Variants in BICRA observed in about 807,000 individuals in gnomAD.
BICRA encodes the protein BRD4-interacting chromatin-remodeling complex-associated protein.
In BICRA, 31 loss-of-function variants were observed where a neutral mutation model predicts 96.9. That is an observed-to-expected ratio of 0.32 (90% CI 0.24 to 0.43). The LOEUF (loss-of-function observed/expected upper bound fraction) is 0.43. Among genes scored for constraint, BICRA ranks in the 20% least tolerant of loss-of-function variants. The pLI, the probability that BICRA is intolerant of heterozygous loss-of-function variation, is 1.00. For synonymous variants in BICRA, 1,350 were observed against 1,071.8 expected (o/e 1.26, Z -5.07); for missense variants, 2,283 against 2,190.3 (o/e 1.04, Z -0.84).
In BICRA at chr19:47,702,249, A is replaced by G; in HGVS notation, c.4517A>G (p.Asp1506Gly). 1.3e-6 allele frequency: 2 copies of G among 1,598,438 alleles called. No homozygotes were observed. Among genetic ancestry groups the G allele is most frequent in the Non-Finnish European group, 1.7e-6 (2 of 1,177,670 alleles). ...ACCGAGCACCTGCAGAGCGCCATCG[A>G]CAGCATCCTGAACCTGCAGCAGGCC... ...TLTEHLQSAIDSILNLQQAPG... is the reference protein window; with the variant it reads ...TLTEHLQSAIGSILNLQQAPG... Residue 1506 changes from aspartate to glycine, a missense_variant, in exon 15 of 15, where the codon GAC (aspartate) becomes GGC (glycine). Coordinates refer to ENST00000594866, the MANE Select transcript of BICRA (RefSeq NM_001394372.1).
intron 1 of BICRA, among the ~76,000 whole-genome samples, chr19:47,611,826 G>A (rs73041681): frequency 0.094 from 14,263 of 151,946 alleles, 859 homozygotes; most frequent in East Asian, 0.16. Context: ...CAGCAGGCCG[G>A]GTACGCAGTG....
At chr19:47,626,521 C>T (rs1330337869) in intron 1 of BICRA, 1 of 151,674 alleles carries the variant, frequency 6.6e-6, no homozygotes, top group African/African-American at 2.4e-5. Context: ...CTCAGCCGCC[C>T]AAGTAGCTGG....
chr19:47,631,748 A>G (rs1972225112), intron 1 of BICRA, among the ~76,000 whole-genome samples: 1 of 152,104 alleles, frequency 6.6e-6, no homozygotes, highest in Non-Finnish European at 1.5e-5. Context: ...TCTTGGGTTC[A>G]AGCAATTCTC....
intron 7 of BICRA, among the ~76,000 whole-genome samples, chr19:47,690,761 A>T (rs910826539): frequency 1.3e-5 from 2 of 151,302 alleles, no homozygotes; most frequent in Non-Finnish European, 2.9e-5. Context: ...TTTCCCCAGT[A>T]AGTCATTTGG....
intron 2 of BICRA, among the ~76,000 whole-genome samples, chr19:47,672,099 A>G (rs1318696880): frequency 4.6e-5 from 6 of 131,084 alleles, no homozygotes; most frequent in African/African-American, 1.8e-4. Flanking sequence ...ATCGGTAGGT[A>G]GATGGATGGA....
intron 1 of BICRA, among the ~76,000 whole-genome samples, chr19:47,638,566 G>A (rs1972334444): frequency 6.6e-6 from 1 of 151,904 alleles, no homozygotes; most frequent in African/African-American, 2.4e-5. Context: ...CTGTGCATGT[G>A]TAAGCATCTC....
chr19:47,622,506 C>G (rs563370111), intron 1 of BICRA, among the ~76,000 whole-genome samples: 29 of 148,910 alleles, frequency 1.9e-4, no homozygotes, highest in African/African-American at 6.9e-4. Flanking sequence ...GGGCAGATCA[C>G]GAGGTCAGGA....
At chr19:47,665,426 A>G (rs1972763808) in intron 1 of BICRA, among the ~76,000 whole-genome samples, 2 of 152,194 alleles carry the variant, frequency 1.3e-5, no homozygotes, top group South Asian at 4.1e-4. Flanking sequence ...CACACAGTAA[A>G]CAACCAAACC....
At position 47,702,184 on chromosome 19, in the gene BICRA, G is replaced by A. The variant is rs1324845872; in HGVS notation, c.4452G>A (p.Gln1484=). The A allele has an allele frequency of 1.9e-6, 3 of 1,588,914 alleles. No homozygotes were observed. In the Admixed American group the frequency reaches 5.1e-5, roughly 27 times the overall value. ...AGTCCGAGTCGCCCGACGTGGACCA[G>A]GCCAGCTTCTCCAGCGACAGCCCGC... The part of the protein sequence containing the change: ...RRKSESPDVD[Q]ASFSSDSPQD... The change falls in exon 15 of 15, where the codon CAG becomes CAA. Residue 1484 remains glutamine (Q), a synonymous_variant. Transcript: ENST00000594866.
chr19:47,673,479 C>T (rs1026497191), intron 2 of BICRA, 91 bp from the exon 3 acceptor site: 16 of 1,001,084 alleles, frequency 1.6e-5, no homozygotes, highest in Non-Finnish European at 2.4e-5. Flanking sequence ...CTGACCCCCT[C>T]CAGGGGGCTC....
Position 47,695,441 on chromosome 19 carries a change from T to C in BICRA, c.3153T>C (p.Ala1051=), listed in dbSNP as rs766572778. 1 of 1,576,612 alleles carries C rather than the reference T, an allele frequency of 6.3e-7. No individual in the cohort carries two copies. The highest frequency in any genetic ancestry group is 8.6e-7 in the Non-Finnish European group (1 of 1,158,662). The change falls in exon 10 of 15, where the codon GCT becomes GCC. Residue 1051 remains alanine, a synonymous_variant. Coordinates refer to ENST00000594866, the MANE Select transcript of BICRA (RefSeq NM_001394372.1). ...CGACCCTGAATGTGGCCAAGGCCGC[T>C]TCCTCCGGGCCAGGGAAGCCCTCCG... ...NLPTLNVAKA[A]SSGPGKPSGL... is the part of the protein sequence containing the mutation.
In BICRA at chr19:47,702,035, G is replaced by A. The variant is rs916085958; in HGVS notation, c.4303G>A (p.Val1435Met). The A allele has an allele frequency of 2.7e-6, 4 of 1,491,578 alleles. No individual in the cohort carries two copies. The African/African-American group carries it at 4.4e-5, about 16-fold the overall frequency. 92.4% of individuals were successfully genotyped at this position (1,491,578 alleles called of 1,614,324 possible). ...TSGLIRELAA[V>M]EDELYQRMLK... Reference sequence around the variant, plus strand: ...CGGGCTCATCCGCGAGCTGGCGGCCGTGGAGGACGAGCTGTACCAGCGTAT... The same window carrying A: ...CGGGCTCATCCGCGAGCTGGCGGCCATGGAGGACGAGCTGTACCAGCGTAT... The change falls in exon 15 of 15, where the codon GTG (valine) becomes ATG (methionine). Residue 1435 changes from valine (V) to methionine (M), a missense_variant. Physicochemically the swap from Val to Met is conservative, Grantham distance 21. Transcript: ENST00000594866.
intron 1 of BICRA, among the ~76,000 whole-genome samples, chr19:47,620,289 G>C (rs1168862802): frequency 6.6e-6 from 1 of 152,070 alleles, no homozygotes; most frequent in Non-Finnish European, 1.5e-5. Flanking sequence ...TGAATGAATG[G>C]ATGGGTGGAT....
At chr19:47,695,343 C>CCG in intron 9 of BICRA, 22 bp from the exon 10 acceptor site, 9 of 630,232 alleles carry the variant, frequency 1.4e-5, no homozygotes, top group South Asian at 7.8e-5. Flanking sequence ...GGCCCTGTCT[C>CCG]CCCCACCCCA....
At chr19:47,688,624 A>G (rs535701477) in intron 7 of BICRA, among the ~76,000 whole-genome samples, 24 of 151,586 alleles carry the variant, frequency 1.6e-4, no homozygotes, top group African/African-American at 5.6e-4. Flanking sequence ...CCCCGTCTCT[A>G]CTAAAAATAC....
intron 5 of BICRA, among the ~76,000 whole-genome samples, chr19:47,676,487 G>A (rs1373271580): frequency 4.0e-5 from 6 of 151,858 alleles, no homozygotes; most frequent in African/African-American, 9.7e-5. Flanking sequence ...TCCACACCAC[G>A]GTGGCCACCT....
intron 1 of BICRA, among the ~76,000 whole-genome samples, chr19:47,639,385 G>A: frequency 7.3e-6 from 1 of 136,168 alleles, no homozygotes; most frequent in South Asian, 2.3e-4. Flanking sequence ...GGAGTCCAGT[G>A]GTGCGATCTT....
chr19:47,680,230 A>G lies in BICRA; in HGVS notation c.1060A>G (p.Lys354Glu). 1 of 1,560,004 alleles carries G rather than the reference A, an allele frequency of 6.4e-7. No homozygotes were observed. The highest frequency in any genetic ancestry group is 1.7e-4 in the Middle Eastern group (1 of 6,006). The change falls in exon 6 of 15, where the codon AAG becomes GAG. Residue 354 changes from lysine (K) to glutamate (E), a missense_variant. Physicochemically the swap from Lys to Glu is moderately conservative, Grantham distance 56. Transcript: ENST00000594866. ...LHRTPTPIQP[K>E]PAGVLPPKLY... ...TCGCACACCCACGCCCATCCAGCCC[A>G]AGCCCGCGGGGGTGCTGCCGCCCAA... is the stretch of plus-strand genomic sequence containing the variant.
Position 47,698,124 on chromosome 19 carries a change from G to A in BICRA, c.3249-510G>A, listed in dbSNP as rs1268487315. 1.3e-5 allele frequency among the ~76,000 whole-genome samples: 2 copies of A among 152,194 alleles called. No individual in the cohort carries two copies. Among genetic ancestry groups the A allele is most frequent in the African/African-American group, 4.8e-5 (2 of 41,456 alleles). ...GCAGAGAGGCTGCTGGTTTTTAGCCGAGGGTGGAGTTGGGCCTGCCTGGTG... is the reference window on the plus strand; with the variant it reads ...GCAGAGAGGCTGCTGGTTTTTAGCCAAGGGTGGAGTTGGGCCTGCCTGGTG... On this transcript the variant is annotated intron_variant, in intron 11 of 14. Coordinates refer to ENST00000594866, the MANE Select transcript of BICRA (RefSeq NM_001394372.1). The surrounding 1 kb of genome is among the most constrained non-coding windows in gnomAD (Gnocchi z 4.8).
Sources: gnomAD v4.1 joint callset for allele counts (sites outside exome capture counted in the v4.1 genomes callset) on GRCh38, gnomAD v4.1.1 for gene constraint, Gnocchi (gnomAD v3.1) non-coding constraint, MANE v1.5 for transcripts, NCBI Gene and HGNC (gene_info 2026-07-23, HGNC 2026-07-21) for gene names.